MYH15: variants seen among roughly 807,000 people sequenced by gnomAD.
MYH15 encodes myosin heavy chain 15.
Under a neutral mutation model 240.5 loss-of-function variants are expected in MYH15, and 227 were observed. The observed-to-expected ratio is 0.94, with a 90% CI of 0.85 to 1.05. The LOEUF (loss-of-function observed/expected upper bound fraction) is 1.05, where lower values mean the gene tolerates loss of function less well. MYH15 is among the 50% of genes least tolerant of loss of function. MYH15 has a pLI of 0.00. For synonymous variants in MYH15, 785 were observed against 796.7 expected (o/e 0.99, Z 0.25); for missense variants, 2,217 against 2,247.5 (o/e 0.99, Z 0.27).
intron 33 of MYH15, among the ~76,000 whole-genome samples, chr3:108,400,947 T>C (rs906486954): frequency 2.6e-5 from 4 of 152,114 alleles, no homozygotes; most frequent in Non-Finnish European, 5.9e-5. Context: ...GAAGCAATTA[T>C]GGAAATGTAT....
chr3:108,499,793 T>C (rs2083422669), intron 4 of MYH15, among the ~76,000 whole-genome samples: 1 of 152,212 alleles, frequency 6.6e-6, no homozygotes, highest in Non-Finnish European at 1.5e-5. Flanking sequence ...ATAATATCTA[T>C]AGAATAACTT....
chr3:108,464,119 G>A (rs1426847020), intron 15 of MYH15, among the ~76,000 whole-genome samples: 2 of 151,992 alleles, frequency 1.3e-5, no homozygotes, highest in South Asian at 2.1e-4. Flanking sequence ...TTCTCTTTTT[G>A]TTCCACCAGA....
At chr3:108,410,484 T>A in intron 31 of MYH15, 99 bp downstream of exon 31, 1 of 775,508 alleles carries the variant, frequency 1.3e-6, no homozygotes, top group Non-Finnish European at 2.0e-6. Context: ...AGTTAAAACA[T>A]GTTGGGAATG....
At chr3:108,481,994 T>C (rs1238876126) in intron 11 of MYH15, among the ~76,000 whole-genome samples, 1 of 151,970 alleles carries the variant, frequency 6.6e-6, no homozygotes, top group African/African-American at 2.4e-5. Flanking sequence ...TATCCACCTA[T>C]CCATCGTAGG....
intron 35 of MYH15, among the ~76,000 whole-genome samples, chr3:108,396,156 C>T (rs530190095): frequency 6.6e-6 from 1 of 152,302 alleles, no homozygotes; most frequent in African/African-American, 2.4e-5. Context: ...AATGCTTTTT[C>T]TCTAGCTGAT....
intron 25 of MYH15, among the ~76,000 whole-genome samples, chr3:108,431,599 GT>G (rs1413420367): frequency 6.6e-6 from 1 of 152,082 alleles, no homozygotes; most frequent in Non-Finnish European, 1.5e-5. Flanking sequence ...CCAGTCTCAG[GT>G]AACTTTTTTA....
chr3:108,521,001 T>C (rs2083614047), intron 1 of MYH15, among the ~76,000 whole-genome samples: 1 of 152,126 alleles, frequency 6.6e-6, no homozygotes, highest in Admixed American at 6.6e-5. Context: ...GCAGAGGTGA[T>C]AAGCTAGTCA....
At chr3:108,401,459 A>C (rs1441512980) in intron 33 of MYH15, among the ~76,000 whole-genome samples, 1 of 152,206 alleles carries the variant, frequency 6.6e-6, no homozygotes, top group Non-Finnish European at 1.5e-5. Context: ...CCAGAGCTGT[A>C]AGGAAATACA....
chr3:108,398,249 AAGGTTAG>A (rs949956138), intron 35 of MYH15, among the ~76,000 whole-genome samples: 6 of 152,122 alleles, frequency 3.9e-5, no homozygotes, highest in Non-Finnish European at 7.4e-5. Flanking sequence ...GTGAAGGCGG[AAGGTTAG>A]AGTGATGCAT....
intron 18 of MYH15, among the ~76,000 whole-genome samples, chr3:108,458,410 C>T (rs2083042076): frequency 6.6e-6 from 1 of 152,158 alleles, no homozygotes; most frequent in South Asian, 2.1e-4. Context: ...ATCGCAGAAA[C>T]TCAAACTGCA....
At chr3:108,522,558 A>G (rs747765178) in intron 1 of MYH15, among the ~76,000 whole-genome samples, 36 of 152,112 alleles carry the variant, frequency 2.4e-4, no homozygotes, top group Non-Finnish European at 4.1e-4. Context: ...CGACAAAATT[A>G]AAGTAACTAT....
chr3:108,440,047 A>G, intron 23 of MYH15, 134 bp from the exon 24 acceptor site: 1 of 647,596 alleles, frequency 1.5e-6, no homozygotes, highest in South Asian at 3.9e-5. Flanking sequence ...ATTTAGCCAA[A>G]TTCCTGATAC....
chr3:108,457,575 G>C (rs35126273), intron 18 of MYH15, among the ~76,000 whole-genome samples: 15,102 of 151,380 alleles, frequency 0.1, 888 homozygotes, highest in African/African-American at 0.15. Context: ...TCTTCTGAAA[G>C]AAGCCAAGGA....
At chr3:108,445,930 A>T (rs1176026447) in intron 21 of MYH15, among the ~76,000 whole-genome samples, 6 of 152,178 alleles carry the variant, frequency 3.9e-5, no homozygotes, top group African/African-American at 1.4e-4. Context: ...AGGTTATTAG[A>T]AATACTGGGG....
At chr3:108,525,097 A>T (rs2083656298) in intron 1 of MYH15, among the ~76,000 whole-genome samples, 1 of 152,046 alleles carries the variant, frequency 6.6e-6, no homozygotes, top group Admixed American at 6.6e-5. Context: ...AAAGTCTATT[A>T]CATTGTCCTA....
chr3:108,514,931 A>T (rs2107259438), upstream of MYH15, among the ~76,000 whole-genome samples: 1 of 152,164 alleles, frequency 6.6e-6, no homozygotes, highest in Middle Eastern at 3.4e-3. Flanking sequence ...TTTTCCTTCT[A>T]TCTCATGCCA....
chr3:108,529,837 TTTGAG>T (rs1159922851), upstream of MYH15, among the ~76,000 whole-genome samples: 1 of 152,142 alleles, frequency 6.6e-6, no homozygotes, highest in Admixed American at 6.5e-5. Context: ...CAGCAACCTC[TTTGAG>T]TTAAGGAGAT....
At chr3:108,382,478 T>C (rs1446002789) in intron 40 of MYH15, among the ~76,000 whole-genome samples, 1 of 152,106 alleles carries the variant, frequency 6.6e-6, no homozygotes, top group Non-Finnish European at 1.5e-5. Context: ...TTACTAGTAA[T>C]TCAGTTAGGG....
At chr3:108,441,694 A>G (rs1365290704) in intron 22 of MYH15, among the ~76,000 whole-genome samples, 9 of 152,240 alleles carry the variant, frequency 5.9e-5, no homozygotes, top group Admixed American at 2.0e-4. Context: ...TGTAACTGTT[A>G]TAAGTGCATG....
Sources: gnomAD v4.1 joint callset for allele counts (sites outside exome capture counted in the v4.1 genomes callset) on GRCh38, gnomAD v4.1.1 for gene constraint, MANE v1.5 for transcripts, NCBI Gene and HGNC (gene_info 2026-07-23, HGNC 2026-07-21) for gene names.